The following NLGN1 variants were observed in gnomAD, a reference collection of about 807,000 sequenced individuals.
NLGN1 encodes the protein neuroligin-1.
NLGN1 carries 12 observed loss-of-function variants against 65.5 expected under a neutral mutation model. The ratio of observed to expected loss-of-function variants is 0.18; its 90% CI spans 0.12 to 0.30. The LOEUF is 0.30. NLGN1 is among the 10% of genes least tolerant of loss of function. NLGN1 has a pLI of 1.00. For synonymous variants in NLGN1, 350 were observed against 359.5 expected, an observed-to-expected ratio of 0.97 and a Z score of 0.30; for missense variants, 750 against 1,007.1, an observed-to-expected ratio of 0.74 and a Z score of 3.46.
intron 4 of NLGN1, among the ~76,000 whole-genome samples, chr3:174,054,861 C>A (rs1196858708): frequency 6.6e-6 from 1 of 151,940 alleles, no homozygotes; most frequent in Non-Finnish European, 1.5e-5. Context: ...GGATCACTCT[C>A]CACCAATTAG....
Position 173,674,063 on chromosome 3 carries a change from C to T in NLGN1, c.493+68972C>T, listed in dbSNP as rs201452491. Among the ~76,000 whole-genome samples, 25 of 152,168 alleles carry T rather than the reference C, an allele frequency of 1.6e-4. No homozygotes were observed. In the East Asian group the frequency reaches 1.7e-3, roughly 11 times the overall value. On this transcript the variant is annotated intron_variant, in intron 3 of 6. Transcript: ENST00000457714. Reference sequence around the variant, plus strand: ...TTCCTGTCATAGCTGAAGTGTGAATCGGCCGTATGTTCCCTGCCTCCAGAC... The same window carrying T: ...TTCCTGTCATAGCTGAAGTGTGAATTGGCCGTATGTTCCCTGCCTCCAGAC...
chr3:174,155,322 A>G (rs1027324491), intron 4 of NLGN1, among the ~76,000 whole-genome samples: 1 of 151,488 alleles, frequency 6.6e-6, no homozygotes, highest in African/African-American at 2.4e-5. Context: ...GACTCCTTAA[A>G]TTTTTATTAG....
rs373866963 is a variant in NLGN1, at chr3:173,544,964, T to G, written c.-320-59315T>G. Among the ~76,000 whole-genome samples, 10 of 152,236 alleles carry G rather than the reference T, an allele frequency of 6.6e-5. No homozygotes were observed. In the South Asian group the frequency reaches 1.0e-3, roughly 16 times the overall value. ...AAAAATTTGAAATGATACTGATGGA[T>G]CAATATATGATAAAAGATAAAAGTT... On this transcript the variant is annotated intron_variant, in intron 2 of 6. Transcript: ENST00000457714.
rs1313619005 is a variant in NLGN1 at position 173,486,193 on chromosome 3, C to T, written c.-321+51115C>T. Among the ~76,000 whole-genome samples, 8 of 152,074 alleles carry T rather than the reference C, an allele frequency of 5.3e-5. No homozygotes were observed. In the South Asian group the frequency reaches 6.2e-4, roughly 12 times the overall value. On this transcript the variant is annotated intron_variant, in intron 2 of 6. Coordinates refer to ENST00000457714, the Ensembl canonical transcript of NLGN1. Reference sequence around the variant, plus strand: ...CTGAGTAGCTGGGATTACAGGCATGCGCCACCACTCCTGGCTTTTTTATTT... The same window carrying T: ...CTGAGTAGCTGGGATTACAGGCATGTGCCACCACTCCTGGCTTTTTTATTT...
intron 3 of NLGN1, among the ~76,000 whole-genome samples, chr3:173,799,820 A>G (rs1036702529): frequency 6.6e-6 from 1 of 151,972 alleles, no homozygotes; most frequent in Admixed American, 6.6e-5. Context: ...AGAAGAAAAT[A>G]GAAAAAGAGC....
intron 4 of NLGN1, among the ~76,000 whole-genome samples, chr3:173,947,635 A>G (rs987967525): frequency 6.6e-6 from 1 of 152,216 alleles, no homozygotes; most frequent in African/African-American, 2.4e-5. Context: ...AATCATCAAC[A>G]TTAAATTCCT....
At chr3:174,181,642 T>C (rs976137266) in intron 4 of NLGN1, among the ~76,000 whole-genome samples, 13 of 152,000 alleles carry the variant, frequency 8.6e-5, no homozygotes, top group African/African-American at 3.1e-4. Context: ...AAAATGTCTA[T>C]AGTCAGCCGG....
chr3:173,660,490 T>A (rs1186120406), intron 3 of NLGN1, among the ~76,000 whole-genome samples: 1 of 151,916 alleles, frequency 6.6e-6, no homozygotes, highest in East Asian at 1.9e-4. Context: ...ATATACATTA[T>A]TTTCACCTCT....
In NLGN1 at chr3:173,456,533, C is replaced by G. The variant is rs529184553; in HGVS notation, c.-321+21455C>G. On this transcript the variant is annotated intron_variant, in intron 2 of 6. Transcript: ENST00000457714. ...AAGTGTAATGTGTTTAGAAGAGCAC[C>G]TGGATTACAGGAAACATTCAATGAT... Among the ~76,000 whole-genome samples, 3 of 152,180 alleles carry G rather than the reference C, an allele frequency of 2.0e-5. No homozygotes were observed. In the East Asian group the frequency reaches 5.8e-4, roughly 29 times the overall value.
chr3:173,434,257 G>A (rs943968471), intron 1 of NLGN1, among the ~76,000 whole-genome samples: 2 of 152,110 alleles, frequency 1.3e-5, no homozygotes, highest in Admixed American at 6.6e-5. Context: ...GTAGCAAAAA[G>A]TATAGCAAAG....
At chr3:173,408,529 G>A (rs936969862) in intron 1 of NLGN1, among the ~76,000 whole-genome samples, 1 of 152,152 alleles carries the variant, frequency 6.6e-6, no homozygotes, top group Non-Finnish European at 1.5e-5. Flanking sequence ...AGAATAACCA[G>A]CACCTGGAGA....
chr3:173,659,790 G>T (rs929298267), intron 3 of NLGN1, among the ~76,000 whole-genome samples: 6 of 151,774 alleles, frequency 4.0e-5, no homozygotes, highest in South Asian at 2.1e-4. Context: ...TGTTTAGAAG[G>T]GGGTGGTGGT....
At chr3:173,713,070 AC>A (rs1446959664) in intron 3 of NLGN1, among the ~76,000 whole-genome samples, 1 of 152,102 alleles carries the variant, frequency 6.6e-6, no homozygotes, top group Non-Finnish European at 1.5e-5. Context: ...TTTCAAATAA[AC>A]TATTACTTTA....
At chr3:173,865,654 C>A (rs1019870412) in intron 4 of NLGN1, among the ~76,000 whole-genome samples, 2 of 152,242 alleles carry the variant, frequency 1.3e-5, no homozygotes, top group Middle Eastern at 3.4e-3. Context: ...ATCCAGGTAG[C>A]TTGATTCCAG....
At chr3:173,479,395 T>C (rs1726849949) in intron 2 of NLGN1, among the ~76,000 whole-genome samples, 1 of 152,148 alleles carries the variant, frequency 6.6e-6, no homozygotes, top group African/African-American at 2.4e-5. Flanking sequence ...TTGACTCTCA[T>C]AATTGGGTAG....
intron 4 of NLGN1, among the ~76,000 whole-genome samples, chr3:174,074,290 C>T (rs907641529): frequency 3.3e-5 from 5 of 152,214 alleles, no homozygotes; most frequent in African/African-American, 1.2e-4. Context: ...TTGCCCATTT[C>T]CTATTGGCAA....
chr3:173,878,076 C>CTT (rs902241238), intron 4 of NLGN1, among the ~76,000 whole-genome samples: 1 of 151,966 alleles, frequency 6.6e-6, no homozygotes, highest in African/African-American at 2.4e-5. Context: ...GAGTCTCGCT[C>CTT]TGTCACCCAG....
intron 4 of NLGN1, among the ~76,000 whole-genome samples, chr3:174,103,606 C>T (rs1351403246): frequency 6.6e-6 from 1 of 152,038 alleles, no homozygotes; most frequent in Non-Finnish European, 1.5e-5. Context: ...CATAACTCAG[C>T]TGCATTTTTA....
intron 2 of NLGN1, among the ~76,000 whole-genome samples, chr3:173,458,607 C>CAAGA (rs1171489293): frequency 1.3e-5 from 2 of 152,100 alleles, no homozygotes; most frequent in Admixed American, 1.3e-4. Context: ...CCTTCTCATC[C>CAAGA]AAGAGCAGTC....
Sources: gnomAD v4.1 joint callset for allele counts (sites outside exome capture counted in the v4.1 genomes callset) on GRCh38, gnomAD v4.1.1 for gene constraint, MANE v1.5 for transcripts, NCBI Gene and HGNC (gene_info 2026-07-23, HGNC 2026-07-21) for gene names.